The following USP34 variants were observed in gnomAD, a reference collection of about 807,000 sequenced individuals.
The protein encoded by USP34 is ubiquitin specific peptidase 34, also known as ubiquitin carboxyl-terminal hydrolase 34.
A neutral mutation model predicts 460.3 loss-of-function variants in USP34; 70 were observed. The observed-to-expected ratio is 0.15, with a 90% CI of 0.13 to 0.19. The LOEUF (loss-of-function observed/expected upper bound fraction) is 0.19, where lower values mean the gene tolerates loss of function less well. Among genes scored for constraint, USP34 ranks in the 10% least tolerant of loss-of-function variants. The pLI, the probability that USP34 is intolerant of heterozygous loss-of-function variation, is 1.00. For synonymous variants in USP34, 1,647 were observed against 1,405.3 expected, an observed-to-expected ratio of 1.17 and a Z score of -3.85; for missense variants, 3,985 against 4,236.2, an observed-to-expected ratio of 0.94 and a Z score of 1.65.
At chr2:61,239,191 A>G (rs1031897039) in intron 53 of USP34, among the ~76,000 whole-genome samples, 10 of 151,948 alleles carry the variant, frequency 6.6e-5, no homozygotes, top group Non-Finnish European at 1.5e-4. Flanking sequence ...GCCAATTAAC[A>G]ACCCTACAAT....
In USP34 at chr2:61,417,144, G is replaced by T; in HGVS notation, c.131+3602C>A. 3 of 1,575,734 alleles carry T rather than the reference G, an allele frequency of 1.9e-6. No individual in the cohort carries two copies. The Admixed American group carries it at 5.0e-5, about 26-fold the overall frequency. ...ACATAACTTGGCCAATGTGAACCCT[G>T]GCCACAGTGCCCTGGGGCTTTCCAA... On this transcript the variant is annotated intron_variant, in intron 2 of 79. Coordinates refer to ENST00000398571, the MANE Select transcript of USP34 (RefSeq NM_014709.4).
chr2:61,318,190 C>CA (rs35751865), intron 22 of USP34, among the ~76,000 whole-genome samples: 43,092 of 107,954 alleles, frequency 0.4, 7,740 homozygotes, highest in Non-Finnish European at 0.44. Context: ...AAGCCCATCT[C>CA]AAAAAAAAAA....
chr2:61,355,296 T>C (rs1692069645), intron 10 of USP34, among the ~76,000 whole-genome samples: 2 of 152,332 alleles, frequency 1.3e-5, no homozygotes, highest in South Asian at 2.1e-4. Context: ...AGATCTCTGA[T>C]AAATACACAG....
At chr2:61,438,493 G>A (rs143280568) in intron 1 of USP34, among the ~76,000 whole-genome samples, 36 of 152,096 alleles carry the variant, frequency 2.4e-4, no homozygotes, top group African/African-American at 8.0e-4. Flanking sequence ...CTAGCTACTC[G>A]GGAGGCTGAG....
chr2:61,416,810 CTTT>C, intron 2 of USP34: 3 of 333,708 alleles, frequency 9.0e-6, no homozygotes, highest in South Asian at 5.2e-5. Flanking sequence ...CCTCCCTAAT[CTTT>C]TTTTTTTTGG....
intron 10 of USP34, among the ~76,000 whole-genome samples, chr2:61,352,191 T>C (rs1463118309): frequency 6.6e-6 from 1 of 152,152 alleles, no homozygotes; most frequent in African/African-American, 2.4e-5. Flanking sequence ...AGTTCAAATT[T>C]TAGAGTTTTG....
chr2:61,287,241 T>C (rs1689717863), intron 34 of USP34, among the ~76,000 whole-genome samples: 1 of 152,180 alleles, frequency 6.6e-6, no homozygotes, highest in Non-Finnish European at 1.5e-5. Context: ...TCACAATCTA[T>C]CAGTAACAAT....
chr2:61,284,737 T>C (rs961037110), intron 35 of USP34, 138 bp downstream of exon 35: 3 of 602,422 alleles, frequency 5.0e-6, no homozygotes, highest in Non-Finnish European at 8.5e-6. Context: ...ATACGTAAAT[T>C]TGGATGGAAG....
chr2:61,231,728 C>T (rs1003392211), intron 58 of USP34, among the ~76,000 whole-genome samples: 9 of 151,318 alleles, frequency 5.9e-5, no homozygotes, highest in African/African-American at 1.9e-4. Context: ...CAAAACAAAA[C>T]AAAATTACCA....
intron 43 of USP34, among the ~76,000 whole-genome samples, chr2:61,263,898 A>T (rs184455450): frequency 6.6e-6 from 1 of 151,968 alleles, no homozygotes; most frequent in African/African-American, 2.4e-5. Flanking sequence ...AACTAAAAAT[A>T]CCGTTTATGA....
chr2:61,189,101 T>G, intron 78 of USP34, 32 bp from the exon 79 acceptor site: 1 of 1,594,688 alleles, frequency 6.3e-7, no homozygotes, highest in Non-Finnish European at 8.5e-7. Context: ...CATTTCAAAT[T>G]CTAAAGCCAA....
At chr2:61,213,303 C>T (rs770772809) in intron 68 of USP34, among the ~76,000 whole-genome samples, 2 of 152,092 alleles carry the variant, frequency 1.3e-5, no homozygotes, top group South Asian at 4.1e-4. Flanking sequence ...AGCCACTATG[C>T]CGGCCTGGGA....
chr2:61,393,622 A>T (rs965134981), intron 5 of USP34, among the ~76,000 whole-genome samples: 4 of 152,164 alleles, frequency 2.6e-5, no homozygotes, highest in African/African-American at 9.7e-5. Flanking sequence ...ACAGCATTGG[A>T]AACAATGCAA....
At position 61,229,457 on chromosome 2, in the gene USP34, T is replaced by TAAAAAAAAAAAAAAAAAAAAA. The variant is rs57231258; in HGVS notation, c.7199+90_7199+91insTTTTTTTTTTTTTTTTTTTTT. The TAAAAAAAAAAAAAAAAAAAAA allele has an allele frequency of 2.0e-4, 76 of 382,098 alleles. 1 individual carries two copies. The highest frequency in any genetic ancestry group is 2.4e-4 in the South Asian group (6 of 25,316). 23.7% of individuals were successfully genotyped at this position (382,098 alleles called of 1,614,324 possible). A position where few individuals can be genotyped will look rare whatever the true frequency, so the allele number is the denominator to read the frequency against. On this transcript the variant is annotated intron_variant, in intron 59 of 79. Coordinates refer to ENST00000398571, the MANE Select transcript of USP34 (RefSeq NM_014709.4). The stretch of plus-strand genomic sequence containing the variant: ...GGCAACATGAAGAAACCCTATCTCT[T>TAAAAAAAAAAAAAAAAAAAAA]AAAAAAAAAAAAAAAAAACAAAAAA...
intron 38 of USP34, among the ~76,000 whole-genome samples, 162 bp downstream of exon 38, chr2:61,280,928 C>T (rs1689518170): frequency 6.6e-6 from 1 of 152,114 alleles, no homozygotes. Flanking sequence ...CACAATGTGT[C>T]ACAATGCTGT....
At chr2:61,235,250 G>A (rs1383340681) in intron 57 of USP34, among the ~76,000 whole-genome samples, 1 of 151,646 alleles carries the variant, frequency 6.6e-6, no homozygotes, top group African/African-American at 2.4e-5. Flanking sequence ...AGCTGGTTAA[G>A]AAATATTTGG....
chr2:61,345,848 G>T (rs759567785), intron 15 of USP34, among the ~76,000 whole-genome samples: 1 of 152,210 alleles, frequency 6.6e-6, no homozygotes, highest in South Asian at 2.1e-4. Context: ...AGTTGCTCAG[G>T]CTGATCTCAA....
intron 15 of USP34, 27 bp from the exon 16 acceptor site, chr2:61,344,056 T>C (rs777861904): frequency 1.2e-6 from 2 of 1,600,468 alleles, no homozygotes; most frequent in South Asian, 1.1e-5. Flanking sequence ...AGCACAAAGT[T>C]AGTAATTACG....
chr2:61,278,644 CA>C (rs1171039592), intron 39 of USP34, among the ~76,000 whole-genome samples: 1 of 151,844 alleles, frequency 6.6e-6, no homozygotes, highest in Non-Finnish European at 1.5e-5. Flanking sequence ...GATCATTCTA[CA>C]AAAAAACAAT....
Sources: gnomAD v4.1 joint callset for allele counts (sites outside exome capture counted in the v4.1 genomes callset) on GRCh38, gnomAD v4.1.1 for gene constraint, MANE v1.5 for transcripts, NCBI Gene and HGNC (gene_info 2026-07-23, HGNC 2026-07-21) for gene names.